Variants in PCDHA11 observed in about 807,000 individuals in gnomAD.
PCDHA11 encodes the protein protocadherin alpha-11.
Under a neutral mutation model 70.3 loss-of-function variants are expected in PCDHA11, and 61 were observed. The observed-to-expected ratio is 0.87, with a 90% CI of 0.71 to 1.07. PCDHA11 has a LOEUF of 1.07. PCDHA11 is among the 50% of genes least tolerant of loss of function. The pLI is 0.00. For synonymous variants in PCDHA11, 633 were observed against 555.1 expected (o/e 1.14, Z -1.97); for missense variants, 1,324 against 1,237.5 (o/e 1.07, Z -1.05).
intron 1 of PCDHA11, among the ~76,000 whole-genome samples, chr5:140,898,629 C>T (rs2066883647): frequency 1.3e-5 from 2 of 152,194 alleles, no homozygotes; most frequent in Admixed American, 1.3e-4. Context: ...AGCATAATGC[C>T]TCCAGCTTTG....
At chr5:140,992,295 A>G (rs2097504334) in intron 3 of PCDHA11, among the ~76,000 whole-genome samples, 1 of 152,134 alleles carries the variant, frequency 6.6e-6, no homozygotes, top group African/African-American at 2.4e-5. Flanking sequence ...AAAGGATGGG[A>G]GTATTGTTTT....
At chr5:140,975,520 T>G (rs2153807475) in intron 1 of PCDHA11, among the ~76,000 whole-genome samples, 1 of 152,342 alleles carries the variant, frequency 6.6e-6, no homozygotes, top group East Asian at 1.9e-4. Flanking sequence ...AAATCTGCAG[T>G]GGATATATTC....
At chr5:140,899,217 C>T (rs1467184800) in intron 1 of PCDHA11, among the ~76,000 whole-genome samples, 1 of 152,040 alleles carries the variant, frequency 6.6e-6, no homozygotes, top group Non-Finnish European at 1.5e-5. Flanking sequence ...GCCAGAACTT[C>T]CAACACTATG....
At chr5:141,004,303 T>C (rs2098161196) in intron 3 of PCDHA11, among the ~76,000 whole-genome samples, 2 of 152,178 alleles carry the variant, frequency 1.3e-5, no homozygotes, top group South Asian at 4.1e-4. Context: ...GATGTTTGTT[T>C]TATACAACAA....
intron 1 of PCDHA11, among the ~76,000 whole-genome samples, chr5:140,879,880 C>T (rs1162426271): frequency 6.6e-6 from 1 of 152,172 alleles, no homozygotes; most frequent in Admixed American, 6.5e-5. Flanking sequence ...GGTCACATTG[C>T]CTCCTCCTCT....
intron 1 of PCDHA11, among the ~76,000 whole-genome samples, chr5:140,873,178 T>C (rs2054146585): frequency 6.6e-6 from 1 of 152,190 alleles, no homozygotes; most frequent in Non-Finnish European, 1.5e-5. Context: ...TTTTGTATCA[T>C]AATATTCATT....
intron 1 of PCDHA11, chr5:140,883,816 G>A (rs1217152310): frequency 1.9e-6 from 3 of 1,612,522 alleles, no homozygotes; most frequent in Non-Finnish European, 2.5e-6. Context: ...AGAGCGGCAA[G>A]GTGTACGCGC....
At chr5:140,967,046 C>G in intron 1 of PCDHA11, 1 of 1,612,334 alleles carries the variant, frequency 6.2e-7, no homozygotes, top group Non-Finnish European at 8.5e-7. Context: ...GGAGCTGGAC[C>G]TGACGAGTGG....
Position 140,968,634 on chromosome 5 carries a change from A to G in PCDHA11, c.2392-10315A>G, listed in dbSNP as rs782166097. ...GGGCAAAATGCTTGGCTTTTTTACC[A>G]TCTAGCCCAGACTTCTGACCTGGAC... On this transcript the variant is annotated intron_variant, in intron 1 of 3. Coordinates refer to ENST00000398640, the MANE Select transcript of PCDHA11 (RefSeq NM_018902.5). 14 of 1,614,176 alleles carry G rather than the reference A, an allele frequency of 8.7e-6. 1 individual carries two copies. The South Asian group carries it at 1.3e-4, about 15-fold the overall frequency.
chr5:140,962,870 T>C (rs558640798), intron 1 of PCDHA11, among the ~76,000 whole-genome samples: 1 of 152,306 alleles, frequency 6.6e-6, no homozygotes, highest in Admixed American at 6.5e-5. Context: ...TAGAGCAACA[T>C]AAATACATGA....
intron 1 of PCDHA11, among the ~76,000 whole-genome samples, chr5:140,934,036 G>T (rs181745303): frequency 2.9e-4 from 44 of 151,956 alleles, no homozygotes; most frequent in African/African-American, 1.0e-3. Context: ...GTTTATTAAT[G>T]ATATTAGTCT....
chr5:140,968,035 G>A, intron 1 of PCDHA11: 1 of 1,614,184 alleles, frequency 6.2e-7, no homozygotes, highest in South Asian at 1.1e-5. Flanking sequence ...CACTGGTGGT[G>A]AGCGGCCCAC....
Position 140,870,876 on chromosome 5 carries a change from G to T in PCDHA11, c.1773G>T (p.Ala591=). 2 of 1,613,958 alleles carry T rather than the reference G, an allele frequency of 1.2e-6. No individual in the cohort carries two copies. Among genetic ancestry groups the T allele is most frequent in the Non-Finnish European group, 1.7e-6 (2 of 1,179,912 alleles). ...PRSVGAGHVV[A]KVRAVDADSG... ...CGGTGGGTGCGGGCCACGTGGTGGC[G>T]AAGGTGCGCGCAGTGGATGCGGACT... The change falls in exon 1 of 4, where the codon GCG becomes GCT. Residue 591 remains alanine, a synonymous_variant. Coordinates refer to ENST00000398640, the MANE Select transcript of PCDHA11 (RefSeq NM_018902.5).
chr5:140,874,360 A>T (rs2054861600), intron 1 of PCDHA11, among the ~76,000 whole-genome samples: 2 of 152,234 alleles, frequency 1.3e-5, no homozygotes. Context: ...TGAATTAATG[A>T]ATAAACTCAT....
intron 1 of PCDHA11, among the ~76,000 whole-genome samples, chr5:140,931,665 T>C (rs2087667345): frequency 6.6e-6 from 1 of 151,998 alleles, no homozygotes. Flanking sequence ...GGCTGGATAT[T>C]TCCTTATAAA....
chr5:140,876,306 C>A (rs2056271023), intron 1 of PCDHA11: 1 of 1,613,986 alleles, frequency 6.2e-7, no homozygotes, highest in Non-Finnish European at 8.5e-7. Context: ...GAGAAATTTC[C>A]TATGGGATCA....
At chr5:140,883,459 G>A in intron 1 of PCDHA11, 1 of 1,614,132 alleles carries the variant, frequency 6.2e-7, no homozygotes, top group Non-Finnish European at 8.5e-7. Context: ...CCTTCAAGCT[G>A]GTGTCCACCT....
chr5:140,897,253 T>C (rs1481151592), intron 1 of PCDHA11, among the ~76,000 whole-genome samples: 1 of 151,928 alleles, frequency 6.6e-6, no homozygotes, highest in East Asian at 1.9e-4. Flanking sequence ...TACATATGTA[T>C]ACATGTGCCA....
At chr5:140,922,288 T>C (rs2080761283) in intron 1 of PCDHA11, among the ~76,000 whole-genome samples, 1 of 152,150 alleles carries the variant, frequency 6.6e-6, no homozygotes, top group African/African-American at 2.4e-5. Context: ...GATATGAAAA[T>C]GCTAGGAGAG....
Sources: gnomAD v4.1 joint callset for allele counts (sites outside exome capture counted in the v4.1 genomes callset) on GRCh38, gnomAD v4.1.1 for gene constraint, MANE v1.5 for transcripts, NCBI Gene and HGNC (gene_info 2026-07-23, HGNC 2026-07-21) for gene names.